Variants in RSBN1 observed in about 807,000 individuals in gnomAD.
The protein encoded by RSBN1 is round spermatid basic protein 1, also known as lysine-specific demethylase 9.
Under a neutral mutation model 74.8 loss-of-function variants are expected in RSBN1, and 23 were observed. That is an observed-to-expected ratio of 0.31 (90% CI 0.22 to 0.44). The LOEUF is 0.44. RSBN1 is among the 20% of genes least tolerant of loss of function. RSBN1 has a pLI of 1.00. For synonymous variants in RSBN1, 407 were observed against 379.6 expected (o/e 1.07, Z -0.84); for missense variants, 808 against 1,020.9 (o/e 0.79, Z 2.84).
At chr1:113,785,833 A>G (rs1660231327) in intron 2 of RSBN1, among the ~76,000 whole-genome samples, 1 of 152,206 alleles carries the variant, frequency 6.6e-6, no homozygotes, top group African/African-American at 2.4e-5. Flanking sequence ...AAACACAGAA[A>G]GCAAAAGAGA....
intron 1 of RSBN1, among the ~76,000 whole-genome samples, chr1:113,800,110 GCTA>G (rs2101821468): frequency 6.6e-6 from 1 of 152,180 alleles, no homozygotes; most frequent in South Asian, 2.1e-4. Flanking sequence ...AAGTCAATTA[GCTA>G]CTACAAGGGT....
chr1:113,804,047 T>C (rs763329125), intron 1 of RSBN1, among the ~76,000 whole-genome samples: 7 of 152,056 alleles, frequency 4.6e-5, no homozygotes, highest in Non-Finnish European at 8.8e-5. Context: ...GAGGATCGCT[T>C]GAGCCCAGGA....
Position 113,761,844 on chromosome 1 carries a change from CAG to C in RSBN1, c.*4134_*4135del, listed in dbSNP as rs1483523584. 1 of 151,786 alleles carries C rather than the reference CAG, an allele frequency of 6.6e-6. No individual in the cohort carries two copies. Among genetic ancestry groups the C allele is most frequent in the Non-Finnish European group, 1.5e-5 (1 of 67,858 alleles). The allele number at this position is 151,786 out of a possible 1,614,324, so 9.4% of individuals were successfully genotyped here. A position where few individuals can be genotyped will look rare whatever the true frequency, so the allele number is the denominator to read the frequency against. On this transcript the variant is annotated 3_prime_UTR_variant, in exon 7 of 7. Coordinates refer to ENST00000261441, the MANE Select transcript of RSBN1 (RefSeq NM_018364.5). ...GATGAAACACCAGTAAAGGACAAAT[CAG>C]ACTTTTTTTATTAAAAAAATACTTT...
chr1:113,771,810 CAA>C (rs71779986), intron 4 of RSBN1, among the ~76,000 whole-genome samples: 7 of 75,332 alleles, frequency 9.3e-5, no homozygotes, highest in African/African-American at 1.2e-4. Flanking sequence ...GTTCCTACCT[CAA>C]AAAAAAAAAA....
chr1:113,786,523 T>C (rs886933847), intron 2 of RSBN1, among the ~76,000 whole-genome samples: 45 of 152,120 alleles, frequency 3.0e-4, no homozygotes, highest in African/African-American at 1.0e-3. Context: ...GATGTGATGA[T>C]AGAAGCATAG....
chr1:113,767,395 A>T (rs1010889499), intron 5 of RSBN1, among the ~76,000 whole-genome samples, 188 bp from the exon 6 acceptor site: 12 of 152,172 alleles, frequency 7.9e-5, no homozygotes, highest in African/African-American at 2.9e-4. Context: ...TAAAAATCAG[A>T]TTTGCTGTTG....
rs1396866237 is a variant in RSBN1 at position 113,763,833 on chromosome 1, G to C, written c.*2147C>G. ...GATAATACACAGTGCTGGCTGTCAGGAGACAGTCTCCTTGTTTATTAGCAA... is the reference window on the plus strand; with the variant it reads ...GATAATACACAGTGCTGGCTGTCAGCAGACAGTCTCCTTGTTTATTAGCAA... On this transcript the variant is annotated 3_prime_UTR_variant, in exon 7 of 7. Transcript: ENST00000261441. The C allele has an allele frequency of 6.6e-6, 1 of 152,538 alleles. No individual in the cohort carries two copies. The highest frequency in any genetic ancestry group is 6.6e-5 in the Admixed American group (1 of 15,244). The allele number at this position is 152,538 out of a possible 1,614,324, so 9.4% of individuals were successfully genotyped here.
chr1:113,771,610 CAAA>C (rs1272041324), intron 4 of RSBN1, among the ~76,000 whole-genome samples: 1 of 92,478 alleles, frequency 1.1e-5, no homozygotes. Flanking sequence ...AATGTCCTCT[CAAA>C]AAAAAAAAAA....
At chr1:113,792,712 A>G (rs1266205369) in intron 2 of RSBN1, among the ~76,000 whole-genome samples, 1 of 152,138 alleles carries the variant, frequency 6.6e-6, no homozygotes, top group Non-Finnish European at 1.5e-5. Flanking sequence ...AAAGACTACT[A>G]GAGCCTAGGA....
At chr1:113,781,546 TAC>T (rs2101802181) in intron 2 of RSBN1, among the ~76,000 whole-genome samples, 1 of 152,350 alleles carries the variant, frequency 6.6e-6, no homozygotes, top group East Asian at 1.9e-4. Flanking sequence ...TGTACCCTAC[TAC>T]ATTCCATATC....
At position 113,777,489 on chromosome 1, in the gene RSBN1, T is replaced by G. The variant is rs1660055340; in HGVS notation, c.1516-137A>C. 2.0e-5 allele frequency: 19 copies of G among 949,502 alleles called. 1 individual carries two copies. The South Asian group carries it at 2.5e-4, about 13-fold the overall frequency. The allele number at this position is 949,502 out of a possible 1,614,324, so 58.8% of individuals were successfully genotyped here. The stretch of plus-strand genomic sequence containing the variant: ...AAATAAATGCTATTTACATAGTAAT[T>G]TATATTAAAAAGAATAATTGAATTT... On this transcript the variant is annotated intron_variant, in intron 3 of 6. Transcript: ENST00000261441.
intron 2 of RSBN1, among the ~76,000 whole-genome samples, chr1:113,782,374 T>C (rs1472598865): frequency 6.6e-6 from 1 of 152,186 alleles, no homozygotes; most frequent in African/African-American, 2.4e-5. Flanking sequence ...ATATAATTTT[T>C]TAAGTGACTA....
chr1:113,773,026 T>C (rs1270097757), intron 4 of RSBN1, among the ~76,000 whole-genome samples: 1 of 151,552 alleles, frequency 6.6e-6, no homozygotes, highest in African/African-American at 2.4e-5. Flanking sequence ...AACAAAAACT[T>C]CTGTAAGTAA....
intron 1 of RSBN1, among the ~76,000 whole-genome samples, chr1:113,800,392 A>C (rs767769346): frequency 6.6e-6 from 1 of 152,094 alleles, no homozygotes; most frequent in Non-Finnish European, 1.5e-5. Context: ...TTTGGTAAGA[A>C]GTATACTTCT....
At chr1:113,774,707 C>T (rs1263040515) in intron 4 of RSBN1, among the ~76,000 whole-genome samples, 1 of 151,322 alleles carries the variant, frequency 6.6e-6, no homozygotes, top group East Asian at 2.0e-4. Context: ...CAAAAAACAA[C>T]TAGCCAGGCA....
At chr1:113,768,918 GA>G (rs577417893) in intron 4 of RSBN1, among the ~76,000 whole-genome samples, 1,711 of 146,680 alleles carry the variant, frequency 0.012, 19 homozygotes, top group Middle Eastern at 0.042. Context: ...ACCTTTTTGT[GA>G]AAAAAAAAAT....
Position 113,812,280 on chromosome 1 carries a change from A to T in RSBN1, c.133T>A (p.Phe45Ile), listed in dbSNP as rs747529618. 1.2e-6 allele frequency: 2 copies of T among 1,605,126 alleles called. No individual in the cohort carries two copies. Among genetic ancestry groups the T allele is most frequent in the Admixed American group, 3.3e-5 (2 of 60,014 alleles). The change falls in exon 1 of 7, where the codon TTT becomes ATT. Residue 45 changes from phenylalanine (F) to isoleucine (I), a missense_variant. By Grantham distance (21) the Phe-to-Ile change is conservative. This residue lies in a region of RSBN1 where 464 missense variants were observed against 401.0 expected (regional missense o/e 1.16). Transcript: ENST00000261441. ...GGAVGPFKCV[F>I]VGEMAAQVGA... ...ACCTGCGCAGCCATTTCACCCACAA[A>T]CACACATTTAAATGGCCCGACCGCC...
At chr1:113,811,362 G>T (rs1660840164) in intron 1 of RSBN1, among the ~76,000 whole-genome samples, 1 of 152,172 alleles carries the variant, frequency 6.6e-6, no homozygotes. Context: ...AAAACAAGGA[G>T]AAGGGATTTT....
intron 6 of RSBN1, 83 bp from the exon 7 acceptor site, chr1:113,766,536 G>T: frequency 1.2e-6 from 1 of 838,350 alleles, no homozygotes; most frequent in Non-Finnish European, 1.9e-6. Context: ...GAAAACAGTA[G>T]AAACAAAATG....
Sources: gnomAD v4.1 joint callset for allele counts (sites outside exome capture counted in the v4.1 genomes callset) on GRCh38, gnomAD v4.1.1 for gene constraint, gnomAD v4.1.1 regional missense constraint, MANE v1.5 for transcripts, NCBI Gene and HGNC (gene_info 2026-07-23, HGNC 2026-07-21) for gene names.